The following ZC3H12B variants were observed in gnomAD, a reference collection of about 807,000 sequenced individuals.
ZC3H12B encodes the protein zinc finger CCCH-type containing 12B.
In ZC3H12B, 7 loss-of-function variants were observed where a neutral mutation model predicts 43.9. The ratio of observed to expected loss-of-function variants is 0.16; its 90% CI spans 0.09 to 0.30. ZC3H12B has a LOEUF of 0.30. Ranked by LOEUF, ZC3H12B falls within the 10% of genes least tolerant of loss-of-function variation. The pLI, the probability that ZC3H12B is intolerant of heterozygous loss-of-function variation, is 1.00. For synonymous variants in ZC3H12B, 222 were observed against 241.7 expected (o/e 0.92, Z 0.76); for missense variants, 475 against 670.2 (o/e 0.71, Z 3.22).
chrX:65,131,096 A>G, the ZC3H12B span, among the ~76,000 whole-genome samples: 3 of 112,256 alleles, frequency 2.7e-5, no homozygotes, highest in Non-Finnish European at 5.6e-5. Context: ...GTCAGTATAA[A>G]TATTGACCTG....
At chrX:65,234,643 G>T in the ZC3H12B span, among the ~76,000 whole-genome samples, 2 of 112,284 alleles carry the variant, frequency 1.8e-5, no homozygotes, top group South Asian at 3.7e-4. Flanking sequence ...AATAAAAAAA[G>T]AAGTCTATTA....
chrX:65,428,515 C>T (rs1036040302), intron 3 of ZC3H12B, among the ~76,000 whole-genome samples: 3 of 112,488 alleles, frequency 2.7e-5, no homozygotes, highest in Non-Finnish European at 5.6e-5. Context: ...TCTTCAAACT[C>T]TGAGATTCTT....
chrX:65,408,226 G>A, intron 3 of ZC3H12B: 2 of 1,185,005 alleles, frequency 1.7e-6, no homozygotes, highest in Admixed American at 2.2e-5. Context: ...TGGAATGTGA[G>A]TAACCGGCAA....
chrX:65,262,475 T>G, the ZC3H12B span, among the ~76,000 whole-genome samples: 4 of 111,589 alleles, frequency 3.6e-5, no homozygotes, highest in Non-Finnish European at 7.6e-5. Flanking sequence ...TTTAATCATT[T>G]TTGTCAATTT....
the ZC3H12B span, among the ~76,000 whole-genome samples, chrX:65,224,911 C>A: frequency 8.9e-6 from 1 of 112,264 alleles, no homozygotes; most frequent in African/African-American, 3.2e-5. Context: ...CTCAAGGAGG[C>A]CTGCCTGCCT....
At chrX:65,449,758 AG>A (rs1337658198) in intron 3 of ZC3H12B, among the ~76,000 whole-genome samples, 1 of 111,949 alleles carries the variant, frequency 8.9e-6, no homozygotes, top group Non-Finnish European at 1.9e-5. Flanking sequence ...AGGAATGAAA[AG>A]CCAAATACTG....
At chrX:65,498,117 CT>C (rs1410432160) in intron 2 of ZC3H12B, among the ~76,000 whole-genome samples, 2 of 111,124 alleles carry the variant, frequency 1.8e-5, no homozygotes, top group African/African-American at 6.6e-5. Flanking sequence ...GTTGCCCAAG[CT>C]GGTCTTGAAC....
chrX:65,105,043 G>A, the ZC3H12B span, among the ~76,000 whole-genome samples: 1 of 111,830 alleles, frequency 8.9e-6, no homozygotes, highest in African/African-American at 3.2e-5. Flanking sequence ...AGAAAATGTG[G>A]CACATATACA....
chrX:65,117,294 A>G, the ZC3H12B span, among the ~76,000 whole-genome samples: 1 of 111,880 alleles, frequency 8.9e-6, no homozygotes, highest in Non-Finnish European at 1.9e-5. Flanking sequence ...TTGGATTTGC[A>G]TTTCTCTGAT....
the ZC3H12B span, among the ~76,000 whole-genome samples, chrX:65,335,252 C>T: frequency 2.7e-5 from 3 of 111,331 alleles, no homozygotes; most frequent in Non-Finnish European, 3.8e-5. Flanking sequence ...GTCTGTGGCA[C>T]CTCCTCTTTT....
intron 2 of ZC3H12B, among the ~76,000 whole-genome samples, chrX:65,376,936 C>G (rs2066354620): frequency 9.0e-6 from 1 of 110,613 alleles, no homozygotes; most frequent in Admixed American, 9.7e-5. Flanking sequence ...GCACCAGGAG[C>G]CAGTCCAAGA....
the ZC3H12B span, among the ~76,000 whole-genome samples, chrX:65,179,213 C>G: frequency 2.8e-5 from 3 of 108,304 alleles, no homozygotes; most frequent in African/African-American, 1.0e-4. Flanking sequence ...ACAATGAGAA[C>G]ACATGGACAC....
chrX:65,096,088 C>T, the ZC3H12B span, among the ~76,000 whole-genome samples: 2 of 110,646 alleles, frequency 1.8e-5, no homozygotes, highest in Non-Finnish European at 3.8e-5. Context: ...ATTATCAGAC[C>T]AGCAATTAAA....
the ZC3H12B span, among the ~76,000 whole-genome samples, chrX:65,163,331 G>T: frequency 9.0e-6 from 1 of 111,494 alleles, no homozygotes; most frequent in Non-Finnish European, 1.9e-5. Flanking sequence ...GTCTGCAGAG[G>T]TTACTGCTGT....
At chrX:65,225,991 A>C in the ZC3H12B span, among the ~76,000 whole-genome samples, 14 of 111,844 alleles carry the variant, frequency 1.3e-4, no homozygotes, top group East Asian at 1.4e-3. Context: ...TCTAGCAAGG[A>C]AGGCCAACAT....
chrX:65,426,244 C>T (rs1211459198), intron 3 of ZC3H12B, among the ~76,000 whole-genome samples: 3 of 109,045 alleles, frequency 2.8e-5, no homozygotes, highest in Non-Finnish European at 3.8e-5. Context: ...AGTTTATTAC[C>T]TAGAGGTGTT....
the ZC3H12B span, among the ~76,000 whole-genome samples, chrX:65,309,144 A>C: frequency 1.1e-4 from 12 of 106,170 alleles, no homozygotes; most frequent in African/African-American, 4.5e-4. Flanking sequence ...AGATCAGAGC[A>C]GAACTGAAGG....
At chrX:65,199,505 A>G in the ZC3H12B span, among the ~76,000 whole-genome samples, 1 of 110,338 alleles carries the variant, frequency 9.1e-6, no homozygotes, top group Non-Finnish European at 1.9e-5. Context: ...ACATAGGTAG[A>G]CGTGTGCCAT....
intron 2 of ZC3H12B, among the ~76,000 whole-genome samples, chrX:65,370,092 G>C (rs1411706516): frequency 2.7e-5 from 3 of 111,412 alleles, no homozygotes; most frequent in Admixed American, 1.9e-4. Flanking sequence ...TATTGAAAAA[G>C]AAAAAGAAGA....
Sources: gnomAD v4.1 joint callset for allele counts (sites outside exome capture counted in the v4.1 genomes callset) on GRCh38, gnomAD v4.1.1 for gene constraint, MANE v1.5 for transcripts, NCBI Gene and HGNC (gene_info 2026-07-23, HGNC 2026-07-21) for gene names.